COL28A1: variants seen among roughly 807,000 people sequenced by gnomAD.
COL28A1 encodes collagen alpha-1(XXVIII) chain.
Under a neutral mutation model 150.2 loss-of-function variants are expected in COL28A1, and 161 were observed. That is an observed-to-expected ratio of 1.07 (90% CI 0.94 to 1.22). COL28A1 has a LOEUF of 1.22. Ranked by LOEUF, COL28A1 falls within the 50% of genes most tolerant of loss-of-function variation. The probability of loss-of-function intolerance (pLI) is 0.00; values close to 1 mark genes in which losing one functional copy is unlikely to be tolerated. For synonymous variants in COL28A1, 552 were observed against 469.7 expected, an observed-to-expected ratio of 1.18 and a Z score of -2.26; for missense variants, 1,617 against 1,388.3, an observed-to-expected ratio of 1.16 and a Z score of -2.62.
At chr7:7,379,723 C>G (rs565134709) in intron 30 of COL28A1, among the ~76,000 whole-genome samples, 1 of 152,214 alleles carries the variant, frequency 6.6e-6, no homozygotes, top group Non-Finnish European at 1.5e-5. Context: ...GACAGTAGGG[C>G]AGGTATAAAC....
intron 15 of COL28A1, among the ~76,000 whole-genome samples, chr7:7,471,307 T>C (rs1562758705): frequency 6.6e-6 from 1 of 151,930 alleles, no homozygotes. Flanking sequence ...CAAAGAATTA[T>C]CAATCCTATT....
chr7:7,489,729 T>C (rs1779815697), intron 12 of COL28A1, among the ~76,000 whole-genome samples: 1 of 152,204 alleles, frequency 6.6e-6, no homozygotes, highest in South Asian at 2.1e-4. Flanking sequence ...ACAGACTGTG[T>C]GGCAATGCAG....
intron 15 of COL28A1, among the ~76,000 whole-genome samples, chr7:7,459,040 G>A (rs6962455): frequency 0.098 from 14,890 of 152,148 alleles, 898 homozygotes; most frequent in Middle Eastern, 0.21. Context: ...AGTGTTATAT[G>A]TAAAAGAACA....
At chr7:7,454,674 G>A (rs930396806) in intron 16 of COL28A1, among the ~76,000 whole-genome samples, 5 of 152,088 alleles carry the variant, frequency 3.3e-5, no homozygotes, top group Non-Finnish European at 5.9e-5. Flanking sequence ...ACTTGTCTTC[G>A]AACCTCATAT....
intron 11 of COL28A1, among the ~76,000 whole-genome samples, chr7:7,504,747 A>T (rs932981538): frequency 6.6e-6 from 1 of 152,236 alleles, no homozygotes; most frequent in African/African-American, 2.4e-5. Flanking sequence ...ATGCTAAGCC[A>T]GTATGATCTC....
intron 1 of COL28A1, among the ~76,000 whole-genome samples, chr7:7,535,108 AGAG>A (rs1245731969): frequency 2.0e-5 from 3 of 152,246 alleles, no homozygotes; most frequent in African/African-American, 7.2e-5. Flanking sequence ...AATAGGTTTC[AGAG>A]GAAACAGTGC....
At chr7:7,413,622 G>C (rs1050255712) in intron 27 of COL28A1, among the ~76,000 whole-genome samples, 3 of 152,186 alleles carry the variant, frequency 2.0e-5, no homozygotes, top group African/African-American at 7.2e-5. Context: ...AAGTGGTAAA[G>C]AGGCCCAGCC....
intron 27 of COL28A1, among the ~76,000 whole-genome samples, chr7:7,391,849 C>G (rs959220129): frequency 1.6e-4 from 24 of 148,604 alleles, no homozygotes; most frequent in Middle Eastern, 7.1e-3. Flanking sequence ...AAATATCCCT[C>G]CACCTCTTTA....
At chr7:7,390,377 T>C (rs1431896906) in intron 27 of COL28A1, among the ~76,000 whole-genome samples, 1 of 152,234 alleles carries the variant, frequency 6.6e-6, no homozygotes, top group Admixed American at 6.5e-5. Context: ...TTTGATGTGC[T>C]GCTGGATTCA....
At chr7:7,498,832 C>A (rs1205378551) in intron 11 of COL28A1, among the ~76,000 whole-genome samples, 1 of 152,042 alleles carries the variant, frequency 6.6e-6, no homozygotes, top group East Asian at 1.9e-4. Context: ...TTAAACTCAG[C>A]CACTTTGTGG....
At chr7:7,456,547 C>A (rs1168241181) in intron 15 of COL28A1, among the ~76,000 whole-genome samples, 1 of 152,132 alleles carries the variant, frequency 6.6e-6, no homozygotes, top group Non-Finnish European at 1.5e-5. Context: ...ATTGAAAATG[C>A]ATTTTGAAAA....
At chr7:7,533,657 T>C (rs1331159216) in intron 1 of COL28A1, among the ~76,000 whole-genome samples, 1 of 152,066 alleles carries the variant, frequency 6.6e-6, no homozygotes. Context: ...CCCCTCTGAA[T>C]AGCCCCGTGA....
chr7:7,445,689 C>T (rs914628684), intron 18 of COL28A1, among the ~76,000 whole-genome samples: 1 of 152,064 alleles, frequency 6.6e-6, no homozygotes, highest in East Asian at 1.9e-4. Context: ...ATCTTTATGG[C>T]ATTTATTAAT....
At chr7:7,452,926 G>A (rs1462993572) in intron 17 of COL28A1, among the ~76,000 whole-genome samples, 1 of 152,176 alleles carries the variant, frequency 6.6e-6, no homozygotes, top group Non-Finnish European at 1.5e-5. Flanking sequence ...ATGATTCTTA[G>A]AAGCAATATT....
chr7:7,443,543 C>T (rs1785981578), intron 20 of COL28A1, 42 bp downstream of exon 20: 1 of 1,611,664 alleles, frequency 6.2e-7, no homozygotes. Context: ...AGTATGAGGA[C>T]CAGAACACAG....
chr7:7,420,012 A>AAT lies in COL28A1; in HGVS notation c.1999-61_1999-60dup, dbSNP rs199821517. The AAT allele has an allele frequency of 1.3e-3, 1,508 of 1,146,000 alleles. 29 individuals are homozygous for AAT. The East Asian group carries it at 0.035, about 26-fold the overall frequency. 71.0% of individuals were successfully genotyped at this position (1,146,000 alleles called of 1,614,324 possible). A position where few individuals can be genotyped will look rare whatever the true frequency, so the allele number is the denominator to read the frequency against. ...TTTTTAAAGACTTTATGTTTTTTTC[A>AAT]ATATATATATTTTAATATCAAAAAC... On this transcript the variant is annotated intron_variant, in intron 25 of 34. Coordinates refer to ENST00000399429, the MANE Select transcript of COL28A1 (RefSeq NM_001037763.3).
chr7:7,489,516 C>A, intron 12 of COL28A1, 59 bp from the exon 13 acceptor site: 1 of 867,910 alleles, frequency 1.2e-6, no homozygotes, highest in Non-Finnish European at 2.0e-6. Flanking sequence ...ATAAACATAG[C>A]GCAAAGTTCT....
At chr7:7,376,082 T>C (rs1368252949) in intron 30 of COL28A1, among the ~76,000 whole-genome samples, 1 of 152,172 alleles carries the variant, frequency 6.6e-6, no homozygotes, top group Non-Finnish European at 1.5e-5. Flanking sequence ...CCTTTTCTTG[T>C]CCTGCTGCCC....
In COL28A1 at chr7:7,375,357, G is replaced by T. The variant is rs1001980222; in HGVS notation, c.2359+104C>A. On this transcript the variant is annotated intron_variant, in intron 31 of 34. Transcript: ENST00000399429. ...TTTCAAATGAGCTTCACATTTTCCC[G>T]CTAGCTATATAATATACATCTGGAC... is the stretch of plus-strand genomic sequence containing the variant. The T allele has an allele frequency of 8.5e-6, 9 of 1,065,052 alleles. No individual in the cohort carries two copies. In the Admixed American group the frequency reaches 2.4e-4, roughly 29 times the overall value. 66.0% of individuals were successfully genotyped at this position (1,065,052 alleles called of 1,614,324 possible). A position where few individuals can be genotyped will look rare whatever the true frequency, so the allele number is the denominator to read the frequency against.
Sources: allele counts gnomAD v4.1 joint callset (sites outside exome capture counted in the v4.1 genomes callset), GRCh38; gene constraint gnomAD v4.1.1; transcripts MANE v1.5; gene names NCBI Gene and HGNC (gene_info 2026-07-23, HGNC 2026-07-21).